The following FBXL5 variants were observed in gnomAD, a reference collection of about 807,000 sequenced individuals.
FBXL5 encodes the protein F-box and leucine rich repeat protein 5.
FBXL5 carries 26 observed loss-of-function variants against 78.3 expected under a neutral mutation model. The ratio of observed to expected loss-of-function variants is 0.33; its 90% CI spans 0.24 to 0.46. The LOEUF is 0.46. Ranked by LOEUF, FBXL5 falls within the 20% of genes least tolerant of loss-of-function variation. The pLI is 1.00. For missense variants in FBXL5, 710 were observed against 829.2 expected, an observed-to-expected ratio of 0.86 and a Z score of 1.77; for synonymous variants, 295 against 282.5, an observed-to-expected ratio of 1.04 and a Z score of -0.45.
At chr4:15,612,095 T>C in intron 10 of FBXL5, 171 bp downstream of exon 10, 1 of 515,568 alleles carries the variant, frequency 1.9e-6, no homozygotes. Flanking sequence ...CCTTTCAAGA[T>C]GTTAATTAAT....
Position 15,625,743 on chromosome 4 carries a change from C to T in FBXL5, c.1359G>A (p.Lys453=). 1 of 1,614,152 alleles carries T rather than the reference C, an allele frequency of 6.2e-7. No individual in the cohort carries two copies. Among genetic ancestry groups the T allele is most frequent in the Non-Finnish European group, 8.5e-7 (1 of 1,180,012 alleles). Residue 453 remains lysine (K), a synonymous_variant, in exon 9 of 11, where the codon AAG becomes AAA. Coordinates refer to ENST00000341285, the MANE Select transcript of FBXL5 (RefSeq NM_012161.4). ...CATTATCTATTTCTTCTCCAATGCC[C>T]TTGTTAGTTAAATCGTGCAAACAGG... is the stretch of plus-strand genomic sequence containing the variant. ...QYACLHDLTN[K]GIGEEIDNEH... is the part of the protein sequence containing the mutation.
At chr4:15,612,544 A>C in intron 9 of FBXL5, 130 bp from the exon 10 acceptor site, 1 of 770,992 alleles carries the variant, frequency 1.3e-6, no homozygotes, top group Non-Finnish European at 2.0e-6. Flanking sequence ...ATTTCTGTAA[A>C]ACACTGATAA....
intron 4 of FBXL5, 92 bp from the exon 5 acceptor site, chr4:15,636,768 C>T (rs1714328871): frequency 1.1e-6 from 1 of 900,748 alleles, no homozygotes; most frequent in Admixed American, 2.8e-5. Context: ...AAATCCAGTG[C>T]CTGAAGTCAA....
chr4:15,671,693 C>T (rs1166194068), intron 1 of FBXL5, among the ~76,000 whole-genome samples: 1 of 152,134 alleles, frequency 6.6e-6, no homozygotes, highest in African/African-American at 2.4e-5. Flanking sequence ...GCTCCCTTCC[C>T]CTACTCCCAT....
At chr4:15,630,964 C>T (rs989601323) in intron 5 of FBXL5, among the ~76,000 whole-genome samples, 173 bp from the exon 6 acceptor site, 5 of 152,090 alleles carry the variant, frequency 3.3e-5, no homozygotes, top group Non-Finnish European at 5.9e-5. Context: ...ATGTGCACAA[C>T]GTGCAAGTTT....
intron 3 of FBXL5, among the ~76,000 whole-genome samples, chr4:15,640,163 C>T (rs574930986): frequency 1.2e-4 from 18 of 152,192 alleles, no homozygotes; most frequent in African/African-American, 4.1e-4. Flanking sequence ...ACCTCAAGCT[C>T]CCAAGTAGCT....
At chr4:15,630,207 T>A (rs1399730774) in intron 6 of FBXL5, among the ~76,000 whole-genome samples, 2 of 152,210 alleles carry the variant, frequency 1.3e-5, no homozygotes, top group African/African-American at 4.8e-5. Flanking sequence ...AAACAATATT[T>A]ATGTATATTA....
At chr4:15,646,931 G>A (rs543137517) in intron 1 of FBXL5, among the ~76,000 whole-genome samples, 1 of 151,936 alleles carries the variant, frequency 6.6e-6, no homozygotes, top group South Asian at 2.1e-4. Context: ...ACCAACTGTG[G>A]ATTGAAAAAG....
chr4:15,670,914 C>CTTTT (rs57312794), intron 1 of FBXL5, among the ~76,000 whole-genome samples: 2 of 54,144 alleles, frequency 3.7e-5, no homozygotes, highest in Non-Finnish European at 6.3e-5. Flanking sequence ...TGTGCGTAGA[C>CTTTT]TTTTTTTTTT....
At chr4:15,611,435 G>A (rs1228136630) in intron 10 of FBXL5, among the ~76,000 whole-genome samples, 2 of 151,978 alleles carry the variant, frequency 1.3e-5, no homozygotes, top group Non-Finnish European at 2.9e-5. Flanking sequence ...TAAAAAGACA[G>A]GTACATAGTA....
chr4:15,649,252 C>G (rs1391348952), intron 1 of FBXL5, among the ~76,000 whole-genome samples: 11 of 151,742 alleles, frequency 7.2e-5, no homozygotes, highest in Non-Finnish European at 1.5e-4. Context: ...ACATTTTTAA[C>G]CCGGTACCTA....
rs547998256 is a variant in FBXL5 at position 15,621,321 on chromosome 4, T to C, written c.1850+3931A>G. Among the ~76,000 whole-genome samples, 7 of 152,296 alleles carry C rather than the reference T, an allele frequency of 4.6e-5. No homozygotes were observed. The South Asian group carries it at 1.5e-3, about 32-fold the overall frequency. On this transcript the variant is annotated intron_variant, in intron 9 of 10. Coordinates refer to ENST00000341285, the MANE Select transcript of FBXL5 (RefSeq NM_012161.4). ...ACTTCTATATACTAGCAATGAACAA[T>C]TTGAAAAGTTTAAGAAATAAAATTG...
chr4:15,616,793 T>A (rs1711935364), intron 9 of FBXL5, among the ~76,000 whole-genome samples: 1 of 152,210 alleles, frequency 6.6e-6, no homozygotes, highest in South Asian at 2.1e-4. Flanking sequence ...CAGCTCCAGG[T>A]AAGCTCAAAT....
intron 4 of FBXL5, 51 bp downstream of exon 4, chr4:15,638,457 T>C: frequency 7.4e-7 from 1 of 1,348,756 alleles, no homozygotes; most frequent in Non-Finnish European, 9.9e-7. Flanking sequence ...ATCAGTAAGA[T>C]GTCAATGACC....
At chr4:15,654,301 ATCCATGACT>A (rs1232071307) in intron 1 of FBXL5, among the ~76,000 whole-genome samples, 2 of 152,250 alleles carry the variant, frequency 1.3e-5, no homozygotes, top group Non-Finnish European at 2.9e-5. Flanking sequence ...GTTTGCAGAT[ATCCATGACT>A]TTCCCCAACA....
intron 5 of FBXL5, among the ~76,000 whole-genome samples, chr4:15,635,322 C>T (rs949658081): frequency 6.7e-6 from 1 of 148,908 alleles, no homozygotes; most frequent in East Asian, 2.0e-4. Context: ...GAGAGTAAAA[C>T]CCCATCTCAA....
intron 1 of FBXL5, among the ~76,000 whole-genome samples, chr4:15,654,815 G>A (rs1312547265): frequency 1.3e-5 from 2 of 152,164 alleles, no homozygotes; most frequent in Non-Finnish European, 2.9e-5. Flanking sequence ...GGAGTCCACC[G>A]CAGGTGGCCG....
intron 9 of FBXL5, among the ~76,000 whole-genome samples, chr4:15,624,841 G>C (rs1184702391): frequency 6.6e-6 from 1 of 152,086 alleles, no homozygotes; most frequent in African/African-American, 2.4e-5. Context: ...ATGACTTCCA[G>C]GGACAGCCTA....
chr4:15,675,367 T>C (rs1309304567), intron 1 of FBXL5, among the ~76,000 whole-genome samples: 1 of 152,210 alleles, frequency 6.6e-6, no homozygotes, highest in Non-Finnish European at 1.5e-5. Flanking sequence ...TAGGACTAAA[T>C]GACCAACTAC....
Sources: gnomAD v4.1 joint callset for allele counts (sites outside exome capture counted in the v4.1 genomes callset) on GRCh38, gnomAD v4.1.1 for gene constraint, MANE v1.5 for transcripts, NCBI Gene and HGNC (gene_info 2026-07-23, HGNC 2026-07-21) for gene names.